Variants in PARN observed in about 807,000 individuals in gnomAD.
PARN encodes poly(A)-specific ribonuclease.
Under a neutral mutation model 102.8 loss-of-function variants are expected in PARN, and 71 were observed. That is an observed-to-expected ratio of 0.69 (90% CI 0.57 to 0.84). The LOEUF (loss-of-function observed/expected upper bound fraction) is 0.84, where lower values mean the gene tolerates loss of function less well. Among genes scored for constraint, PARN ranks in the 40% least tolerant of loss-of-function variants. PARN has a pLI of 0.00. For missense variants in PARN, 782 were observed against 760.9 expected (o/e 1.03, Z -0.33); for synonymous variants, 261 against 252.9 (o/e 1.03, Z -0.30).
At chr16:14,596,136 T>C (rs1421282409) in intron 12 of PARN, among the ~76,000 whole-genome samples, 1 of 152,128 alleles carries the variant, frequency 6.6e-6, no homozygotes, top group African/African-American at 2.4e-5. Context: ...TAGGGCCAGA[T>C]CTTGGTTTCT....
intron 21 of PARN, among the ~76,000 whole-genome samples, chr16:14,550,895 G>A (rs1387803843): frequency 6.6e-6 from 1 of 151,850 alleles, no homozygotes; most frequent in African/African-American, 2.4e-5. Flanking sequence ...TTAATTGATG[G>A]TTAATATCAA....
chr16:14,446,280 G>A lies in PARN; in HGVS notation c.1864+608C>T, dbSNP rs577770491. On this transcript the variant is annotated intron_variant, in intron 23 of 23. Coordinates refer to ENST00000437198, the MANE Select transcript of PARN (RefSeq NM_002582.4). ...CTTTCGGCTGTGCTTCTTAAGCGCA[G>A]CATGGCCCCGCACACTTAGCCTCGC... Among the ~76,000 whole-genome samples the A allele has an allele frequency of 4.2e-4, 64 of 152,344 alleles. 1 individual carries two copies. In the South Asian group the frequency reaches 0.013, roughly 30 times the overall value.
At chr16:14,534,607 A>T (rs984394473) in intron 21 of PARN, among the ~76,000 whole-genome samples, 2 of 152,080 alleles carry the variant, frequency 1.3e-5, no homozygotes, top group African/African-American at 4.8e-5. Context: ...ACATAATATT[A>T]AAAAAAGACT....
intron 11 of PARN, among the ~76,000 whole-genome samples, chr16:14,601,074 C>G (rs961851562): frequency 2.0e-5 from 3 of 152,074 alleles, no homozygotes; most frequent in African/African-American, 7.2e-5. Context: ...GAGGCTCATC[C>G]CAAAAAGAAT....
At chr16:14,472,279 A>G (rs1962792140) in intron 22 of PARN, among the ~76,000 whole-genome samples, 1 of 152,228 alleles carries the variant, frequency 6.6e-6, no homozygotes, top group South Asian at 2.1e-4. Context: ...TCTGCATTTT[A>G]CATTAACGAG....
At chr16:14,578,934 C>T (rs1314115519) in intron 18 of PARN, among the ~76,000 whole-genome samples, 1 of 151,934 alleles carries the variant, frequency 6.6e-6, no homozygotes, top group African/African-American at 2.4e-5. Flanking sequence ...TAGTCCTGCA[C>T]AGTATTAGCA....
intron 21 of PARN, among the ~76,000 whole-genome samples, chr16:14,522,060 T>C (rs774041576): frequency 2.4e-4 from 37 of 152,214 alleles, no homozygotes; most frequent in Non-Finnish European, 5.4e-4. Flanking sequence ...TACACAACGA[T>C]GTTCACACAA....
intron 13 of PARN, among the ~76,000 whole-genome samples, chr16:14,586,858 C>T (rs987734549): frequency 6.6e-6 from 1 of 152,114 alleles, no homozygotes; most frequent in Admixed American, 6.6e-5. Flanking sequence ...GTAAAAATGG[C>T]CTTGGAAACA....
chr16:14,569,845 A>T (rs1596699948), intron 18 of PARN, among the ~76,000 whole-genome samples: 3 of 152,176 alleles, frequency 2.0e-5, no homozygotes, highest in Non-Finnish European at 4.4e-5. Context: ...TTCTGGAAAC[A>T]GTGGCTATGG....
rs117406286 is a variant in PARN, at chr16:14,458,116, A to C, written c.1671-11035T>G. On this transcript the variant is annotated intron_variant, in intron 22 of 23. Transcript: ENST00000437198. Reference sequence around the variant, plus strand: ...ACAAGAAACTATTTTGAATATTTCAAACAATCCCCTATTGTCAACTCACTT... The same window carrying C: ...ACAAGAAACTATTTTGAATATTTCACACAATCCCCTATTGTCAACTCACTT... 1.2e-3 allele frequency among the ~76,000 whole-genome samples: 189 copies of C among 152,338 alleles called. 2 individuals are homozygous for C. The East Asian group carries it at 0.034, about 27-fold the overall frequency.
chr16:14,538,168 G>A (rs1315890643), intron 21 of PARN, among the ~76,000 whole-genome samples: 7 of 151,006 alleles, frequency 4.6e-5, no homozygotes. Context: ...TCATTACTAG[G>A]TTGTAAGATC....
At chr16:14,579,565 G>C (rs144676731) in intron 18 of PARN, among the ~76,000 whole-genome samples, 193 of 151,872 alleles carry the variant, frequency 1.3e-3, no homozygotes, top group African/African-American at 4.4e-3. Context: ...GCAAGACCGT[G>C]ACTCAAAAAA....
At chr16:14,509,435 G>C (rs1486582982) in intron 21 of PARN, among the ~76,000 whole-genome samples, 2 of 152,184 alleles carry the variant, frequency 1.3e-5, no homozygotes, top group African/African-American at 4.8e-5. Context: ...TGATTATTTA[G>C]TGATTTTTTC....
intron 5 of PARN, among the ~76,000 whole-genome samples, chr16:14,620,089 A>G (rs1315382462): frequency 1.4e-5 from 2 of 141,334 alleles, no homozygotes; most frequent in African/African-American, 5.4e-5. Flanking sequence ...AAAAAAAAAA[A>G]AACACTGGCC....
intron 21 of PARN, among the ~76,000 whole-genome samples, chr16:14,533,739 G>C (rs1274361532): frequency 6.6e-6 from 1 of 152,058 alleles, no homozygotes; most frequent in African/African-American, 2.4e-5. Flanking sequence ...ACCCTCTTCT[G>C]CATCTTCCTG....
chr16:14,552,142 A>T, intron 20 of PARN, 47 bp from the exon 21 acceptor site: 1 of 1,199,702 alleles, frequency 8.3e-7, no homozygotes, highest in Non-Finnish European at 1.2e-6. Flanking sequence ...CCATGTGGAG[A>T]GCTATTAGAT....
At chr16:14,461,078 T>G (rs563199939) in intron 22 of PARN, among the ~76,000 whole-genome samples, 4 of 152,290 alleles carry the variant, frequency 2.6e-5, no homozygotes, top group Admixed American at 1.3e-4. Flanking sequence ...ACCCATAACC[T>G]TAGTCTAACC....
chr16:14,599,094 G>A (rs75621059), intron 12 of PARN, among the ~76,000 whole-genome samples: 2 of 147,384 alleles, frequency 1.4e-5, no homozygotes, highest in African/African-American at 5.0e-5. Context: ...CCAGGCTGGG[G>A]TGCAATGGCG....
chr16:14,577,425 C>G (rs2151743564), intron 18 of PARN, among the ~76,000 whole-genome samples: 1 of 152,192 alleles, frequency 6.6e-6, no homozygotes, highest in Non-Finnish European at 1.5e-5. Flanking sequence ...TCTCCTCTTC[C>G]CAGACTCAAG....
Sources: allele counts gnomAD v4.1 joint callset (sites outside exome capture counted in the v4.1 genomes callset), GRCh38; gene constraint gnomAD v4.1.1; transcripts MANE v1.5; gene names NCBI Gene and HGNC (gene_info 2026-07-23, HGNC 2026-07-21).